Variants in TBC1D19 observed in about 807,000 individuals in gnomAD.
TBC1D19 encodes TBC1 domain family, member 19.
A neutral mutation model predicts 89.0 loss-of-function variants in TBC1D19; 60 were observed. The ratio of observed to expected loss-of-function variants is 0.67; its 90% CI spans 0.55 to 0.84. The LOEUF (loss-of-function observed/expected upper bound fraction) is 0.84, where lower values mean the gene tolerates loss of function less well. Among genes scored for constraint, TBC1D19 ranks in the 40% least tolerant of loss-of-function variants. The pLI is 0.00. For missense variants in TBC1D19, 500 were observed against 610.8 expected, an observed-to-expected ratio of 0.82 and a Z score of 1.91; for synonymous variants, 189 against 199.7, an observed-to-expected ratio of 0.95 and a Z score of 0.45.
the TBC1D19 span, among the ~76,000 whole-genome samples, chr4:26,819,986 C>T: frequency 6.6e-6 from 1 of 152,200 alleles, no homozygotes; most frequent in African/African-American, 2.4e-5. Flanking sequence ...TCAGTGAGGC[C>T]TTCCCATTCC....
At chr4:26,581,460 G>A (rs1365886686), upstream of TBC1D19, among the ~76,000 whole-genome samples, 1 of 152,192 alleles carries the variant, frequency 6.6e-6, no homozygotes, top group Non-Finnish European at 1.5e-5. Flanking sequence ...CCACTTATGA[G>A]TGAGAACATG....
intron 15 of TBC1D19, among the ~76,000 whole-genome samples, chr4:26,735,188 AT>A (rs1359492346): frequency 6.6e-6 from 1 of 151,590 alleles, no homozygotes; most frequent in Non-Finnish European, 1.5e-5. Flanking sequence ...ATACACGTAT[AT>A]ATACACATAT....
the TBC1D19 span, among the ~76,000 whole-genome samples, chr4:26,812,098 A>G: frequency 2.0e-5 from 3 of 152,158 alleles, no homozygotes; most frequent in African/African-American, 7.2e-5. This position sits in a 1 kb window ranked among gnomAD's most constrained non-coding sequence, Gnocchi z 4.2. Context: ...GAGGAAGGAC[A>G]TTTCTGAATC....
At chr4:26,730,682 G>GT (rs1717600713) in intron 15 of TBC1D19, among the ~76,000 whole-genome samples, 1 of 152,140 alleles carries the variant, frequency 6.6e-6, no homozygotes, top group Non-Finnish European at 1.5e-5. Flanking sequence ...CTAGCCTGTG[G>GT]TATCCCCACC....
At chr4:26,583,866 C>G, upstream of TBC1D19, 1 of 325,238 alleles carries the variant, frequency 3.1e-6, no homozygotes, top group Non-Finnish European at 5.9e-6. Flanking sequence ...CTCCGTGTCC[C>G]CCTTGTGCAT....
At chr4:26,658,330 T>G (rs1032479785) in intron 7 of TBC1D19, among the ~76,000 whole-genome samples, 1 of 152,228 alleles carries the variant, frequency 6.6e-6, no homozygotes, top group Admixed American at 6.5e-5. Flanking sequence ...CCAGCACCAT[T>G]TATTAAATAG....
At chr4:26,852,968 T>C in the TBC1D19 span, among the ~76,000 whole-genome samples, 3 of 152,230 alleles carry the variant, frequency 2.0e-5, no homozygotes, top group Non-Finnish European at 4.4e-5. Flanking sequence ...TGGCCTAAAC[T>C]ACATCATCTC....
chr4:26,836,455 G>C, the TBC1D19 span, among the ~76,000 whole-genome samples: 1 of 152,220 alleles, frequency 6.6e-6, no homozygotes, highest in Admixed American at 6.5e-5. Flanking sequence ...AAACACTTCA[G>C]GGAATATGTA....
chr4:26,657,721 A>G (rs993492587), intron 7 of TBC1D19, among the ~76,000 whole-genome samples: 11 of 152,122 alleles, frequency 7.2e-5, no homozygotes, highest in African/African-American at 2.4e-4. Context: ...AAGCATTCCT[A>G]TTTCTCCACA....
chr4:26,582,692 G>C (rs1739126260), upstream of TBC1D19, among the ~76,000 whole-genome samples: 1 of 152,224 alleles, frequency 6.6e-6, no homozygotes, highest in African/African-American at 2.4e-5. Flanking sequence ...GTTTTGTAGA[G>C]AAACTGCACT....
chr4:26,814,051 G>A, the TBC1D19 span, among the ~76,000 whole-genome samples: 1 of 152,034 alleles, frequency 6.6e-6, no homozygotes, highest in East Asian at 1.9e-4. Flanking sequence ...AGGCCTCTGG[G>A]CACCTTGATC....
Position 26,742,616 on chromosome 4 carries a change from C to G in TBC1D19, c.1319+17C>G. 1.3e-6 allele frequency: 2 copies of G among 1,596,156 alleles called. No homozygotes were observed. The highest frequency in any genetic ancestry group is 1.7e-6 in the Non-Finnish European group (2 of 1,166,442). On this transcript the variant is annotated intron_variant, in intron 18 of 20. Transcript: ENST00000264866. ...GGCTCAACCGTGAGTACTTTTCTCT[C>G]CTAATTGAAGAATAGATAGTTTCAC...
At chr4:26,790,596 G>A in the TBC1D19 span, among the ~76,000 whole-genome samples, 4,102 of 152,282 alleles carry the variant, frequency 0.027, 171 homozygotes, top group African/African-American at 0.086. Context: ...ATTATGTTTA[G>A]GGGTTGCAAA....
intron 3 of TBC1D19, among the ~76,000 whole-genome samples, chr4:26,615,066 AG>A (rs1266049856): frequency 6.6e-6 from 1 of 152,174 alleles, no homozygotes; most frequent in East Asian, 1.9e-4. Flanking sequence ...AGATAACTGA[AG>A]CTTACTAATA....
intron 12 of TBC1D19, among the ~76,000 whole-genome samples, chr4:26,687,256 T>C (rs1713892889): frequency 2.0e-5 from 3 of 152,218 alleles, no homozygotes; most frequent in Admixed American, 2.0e-4. Context: ...GGATGTTTAC[T>C]CTTTATCTGA....
chr4:26,764,948 C>CTTTATGGCTA, the TBC1D19 span, among the ~76,000 whole-genome samples: 1 of 151,934 alleles, frequency 6.6e-6, no homozygotes, highest in Non-Finnish European at 1.5e-5. Flanking sequence ...ATATGGATAG[C>CTTTATGGCTA]TGAAATAGGG....
intron 2 of TBC1D19, among the ~76,000 whole-genome samples, 168 bp downstream of exon 2, chr4:26,613,409 T>C (rs572469548): frequency 6.6e-6 from 1 of 152,250 alleles, no homozygotes; most frequent in Non-Finnish European, 1.5e-5. Context: ...TTTCTGTCTC[T>C]AGTGATAAGC....
In TBC1D19 at chr4:26,745,452, T is replaced by C. The variant is rs558301695; in HGVS notation, c.1319+2853T>C. Among the ~76,000 whole-genome samples, 25 of 151,230 alleles carry C rather than the reference T, an allele frequency of 1.7e-4. No homozygotes were observed. In the South Asian group the frequency reaches 5.0e-3, roughly 30 times the overall value. The stretch of plus-strand genomic sequence containing the variant: ...TCTCCACTATTAGATTTTTATACTT[T>C]TAAAGTATGTTTTTGATAGGTGCCA... On this transcript the variant is annotated intron_variant, in intron 18 of 20. Transcript: ENST00000264866.
intron 7 of TBC1D19, among the ~76,000 whole-genome samples, chr4:26,658,880 C>G (rs936896035): frequency 6.6e-6 from 1 of 152,098 alleles, no homozygotes; most frequent in African/African-American, 2.4e-5. Flanking sequence ...ATTTGGCTCT[C>G]TGTTTGTCTG....
Sources: gnomAD v4.1 joint callset for allele counts (sites outside exome capture counted in the v4.1 genomes callset) on GRCh38, gnomAD v4.1.1 for gene constraint, Gnocchi (gnomAD v3.1) non-coding constraint, MANE v1.5 for transcripts, NCBI Gene and HGNC (gene_info 2026-07-23, HGNC 2026-07-21) for gene names.